Variants in HNRNPUL1 observed in about 807,000 individuals in gnomAD.
The protein encoded by HNRNPUL1 is heterogeneous nuclear ribonucleoprotein U-like protein 1.
In HNRNPUL1, 14 loss-of-function variants were observed where a neutral mutation model predicts 108.5. The ratio of observed to expected loss-of-function variants is 0.13; its 90% CI spans 0.09 to 0.20. HNRNPUL1 has a LOEUF of 0.20. Ranked by LOEUF, HNRNPUL1 falls within the 10% of genes least tolerant of loss-of-function variation. HNRNPUL1 has a pLI of 1.00. For synonymous variants in HNRNPUL1, 422 were observed against 445.2 expected, an observed-to-expected ratio of 0.95 and a Z score of 0.66; for missense variants, 804 against 1,168.3, an observed-to-expected ratio of 0.69 and a Z score of 4.55.
chr19:41,266,262 G>A (rs566088464), intron 1 of HNRNPUL1, among the ~76,000 whole-genome samples: 37 of 152,140 alleles, frequency 2.4e-4, no homozygotes, highest in African/African-American at 8.9e-4. Flanking sequence ...GTGAAACCCT[G>A]TCTCTACTAA....
chr19:41,284,762 C>A (rs1186575302), intron 7 of HNRNPUL1, among the ~76,000 whole-genome samples: 1 of 152,148 alleles, frequency 6.6e-6, no homozygotes, highest in East Asian at 1.9e-4. Flanking sequence ...CTTTGGGCGG[C>A]CAAGGAGGGC....
chr19:41,265,110 G>C (rs1171523902), intron 1 of HNRNPUL1: 1 of 1,417,558 alleles, frequency 7.1e-7, no homozygotes, highest in African/African-American at 1.5e-5. Flanking sequence ...AAGAGAGTCG[G>C]AAGAACAAGA....
At position 41,292,553 on chromosome 19, in the gene HNRNPUL1, A is replaced by C; in HGVS notation, c.1266+42A>C. The C allele has an allele frequency of 6.3e-7, 1 of 1,583,056 alleles. No homozygotes were observed. The highest frequency in any genetic ancestry group is 8.6e-7 in the Non-Finnish European group (1 of 1,160,422). The stretch of plus-strand genomic sequence containing the variant: ...TGTATTGGTGGCCACCTTGCTGCCA[A>C]GACAGAGGAGACACACACACACACA... On this transcript the variant is annotated intron_variant, in intron 8 of 14. Transcript: ENST00000392006. The surrounding 1 kb of genome is among the most constrained non-coding windows in gnomAD (Gnocchi z 4.1).
At chr19:41,263,688 C>T (rs768626363), upstream of HNRNPUL1, among the ~76,000 whole-genome samples, 8 of 152,192 alleles carry the variant, frequency 5.3e-5, no homozygotes, top group Non-Finnish European at 1.0e-4. Flanking sequence ...TTTCGTATAC[C>T]TCCTCCTACA....
At position 41,269,550 on chromosome 19, in the gene HNRNPUL1, C is replaced by G. The variant is rs2035086480; in HGVS notation, c.418+1205C>G. ...GAACACAGTGGCTCATGCTTGTAAT[C>G]CTAGCGCTTTAGGAGGCCAAGTCAG... On this transcript the variant is annotated intron_variant, in intron 2 of 14. Coordinates refer to ENST00000392006, the MANE Select transcript of HNRNPUL1 (RefSeq NM_007040.6). 2.7e-5 allele frequency among the ~76,000 whole-genome samples: 4 copies of G among 150,586 alleles called. 1 individual carries two copies. In the South Asian group the frequency reaches 8.4e-4, roughly 32 times the overall value.
At chr19:41,266,485 G>GA (rs900188535) in intron 1 of HNRNPUL1, among the ~76,000 whole-genome samples, 4 of 150,892 alleles carry the variant, frequency 2.7e-5, no homozygotes, top group African/African-American at 9.8e-5. Context: ...CAGATGGGGG[G>GA]TCTCGCTATG....
At chr19:41,276,386 T>C in intron 5 of HNRNPUL1, 88 bp downstream of exon 5, 1 of 1,420,530 alleles carries the variant, frequency 7.0e-7, no homozygotes, top group Non-Finnish European at 9.5e-7. Context: ...GAGCTGCAAC[T>C]GCAAAAGAGA....
At chr19:41,263,165 T>C (rs2034604251), upstream of HNRNPUL1, 1 of 152,142 alleles carries the variant, frequency 6.6e-6, no homozygotes, top group Non-Finnish European at 1.5e-5. Context: ...GTGTGGCTTT[T>C]GCGGGCTTAA....
At chr19:41,287,362 A>G (rs903424016) in intron 7 of HNRNPUL1, among the ~76,000 whole-genome samples, 5 of 152,040 alleles carry the variant, frequency 3.3e-5, no homozygotes, top group Non-Finnish European at 7.4e-5. Context: ...TTAAATTTAA[A>G]ACTTGATATA....
chr19:41,291,973 C>G (rs910410341), intron 7 of HNRNPUL1: 1 of 425,898 alleles, frequency 2.3e-6, no homozygotes, highest in African/African-American at 2.4e-5. Flanking sequence ...GGGTGAGACC[C>G]TGTCTCAAAA....
intron 14 of HNRNPUL1, 72 bp downstream of exon 14, chr19:41,305,939 C>T: frequency 9.6e-7 from 1 of 1,040,430 alleles, no homozygotes; most frequent in East Asian, 2.5e-5. Context: ...TATTCCCAGA[C>T]TTAAGTCCCT....
rs189118474 is a variant in HNRNPUL1, at chr19:41,268,357, C to G, written c.418+12C>G. ...GGCCTATCGTCCAGGTAGGAAAATACACATGGTTCATCTCTTTGGATGGAA... is the reference window on the plus strand; with the variant it reads ...GGCCTATCGTCCAGGTAGGAAAATAGACATGGTTCATCTCTTTGGATGGAA... On this transcript the variant is annotated intron_variant, in intron 2 of 14. Transcript: ENST00000392006. 9.3e-5 allele frequency: 150 copies of G among 1,612,372 alleles called. No homozygotes were observed. The highest frequency in any genetic ancestry group is 1.2e-4 in the Non-Finnish European group (143 of 1,179,214).
At position 41,294,072 on chromosome 19, in the gene HNRNPUL1, G is replaced by A. The variant is rs1300957715; in HGVS notation, c.1267-266G>A. Among the ~76,000 whole-genome samples, 4 of 152,000 alleles carry A rather than the reference G, an allele frequency of 2.6e-5. No homozygotes were observed. The highest frequency in any genetic ancestry group is 2.0e-4 in the Admixed American group (3 of 15,262). The stretch of plus-strand genomic sequence containing the variant: ...TGGTTTTTTGTTTTTGTTTTCCCCC[G>A]AAAGTCCTGGGATTATAGGCGTGAG... On this transcript the variant is annotated intron_variant, in intron 8 of 14. Transcript: ENST00000392006. This position sits in a 1 kb window ranked among gnomAD's most constrained non-coding sequence, Gnocchi z 4.3.
chr19:41,270,911 T>C (rs1192514651), intron 2 of HNRNPUL1, among the ~76,000 whole-genome samples: 2 of 152,152 alleles, frequency 1.3e-5, no homozygotes, highest in African/African-American at 4.8e-5. Flanking sequence ...CCCCATTTTA[T>C]AGATTGAGGA....
At position 41,264,409 on chromosome 19, in the gene HNRNPUL1, C is replaced by CCT. The variant is rs1159706690; in HGVS notation, c.-94_-93dup. 20 of 1,095,284 alleles carry CCT rather than the reference C, an allele frequency of 1.8e-5. No individual in the cohort carries two copies. The African/African-American group carries it at 2.3e-4, about 13-fold the overall frequency. The allele number at this position is 1,095,284 out of a possible 1,614,324, so 67.8% of individuals were successfully genotyped here. A position where few individuals can be genotyped will look rare whatever the true frequency, so the allele number is the denominator to read the frequency against. ...TGCCGCCATTGGAGTGGGCCCCCCCCCTTTCCCCCTTCGCCTCCTGACAGG... is the reference window on the plus strand; with the variant it reads ...TGCCGCCATTGGAGTGGGCCCCCCCCCTCTTTCCCCCTTCGCCTCCTGACAGG... On this transcript the variant is annotated 5_prime_UTR_variant, in exon 1 of 15. Transcript: ENST00000392006.
upstream of HNRNPUL1, chr19:41,264,319 C>T (rs2034664014): frequency 2.1e-6 from 1 of 470,008 alleles, no homozygotes; most frequent in Non-Finnish European, 3.5e-6. Flanking sequence ...CCAATTGGCA[C>T]TCATGTAACA....
intron 7 of HNRNPUL1, among the ~76,000 whole-genome samples, chr19:41,285,421 C>T (rs745318154): frequency 2.0e-5 from 3 of 152,228 alleles, no homozygotes; most frequent in Admixed American, 1.3e-4. Context: ...GATGGGGTTT[C>T]GCCAAACTCC....
chr19:41,268,640 C>T (rs186092528), intron 2 of HNRNPUL1, among the ~76,000 whole-genome samples: 2 of 152,020 alleles, frequency 1.3e-5, no homozygotes, highest in Non-Finnish European at 2.9e-5. Flanking sequence ...AGGTGGATCA[C>T]CTGAGGTCTG....
chr19:41,291,504 C>G (rs2036574581), intron 7 of HNRNPUL1, among the ~76,000 whole-genome samples: 1 of 152,002 alleles, frequency 6.6e-6, no homozygotes, highest in Non-Finnish European at 1.5e-5. Context: ...TTTCTGTTAC[C>G]CAGGCTGTAC....
Sources: allele counts gnomAD v4.1 joint callset (sites outside exome capture counted in the v4.1 genomes callset), GRCh38; gene constraint gnomAD v4.1.1; non-coding constraint Gnocchi (gnomAD v3.1); transcripts MANE v1.5; gene names NCBI Gene and HGNC (gene_info 2026-07-23, HGNC 2026-07-21).